Variants in ITGBL1 observed in about 807,000 individuals in gnomAD.
The protein encoded by ITGBL1 is integrin subunit beta like 1.
In ITGBL1, 51 loss-of-function variants were observed where a neutral mutation model predicts 68.5. The observed-to-expected ratio is 0.74, with a 90% confidence interval of 0.59 to 0.94. ITGBL1 has a LOEUF of 0.94. Among genes scored for constraint, ITGBL1 ranks in the 40% least tolerant of loss-of-function variants. The pLI is 0.00. For synonymous variants in ITGBL1, 209 were observed against 227.3 expected (o/e 0.92, Z 0.72); for missense variants, 649 against 647.4 (o/e 1.00, Z -0.03).
chr13:101,678,771 A>G (rs537801777), intron 7 of ITGBL1, among the ~76,000 whole-genome samples: 24 of 152,132 alleles, frequency 1.6e-4, no homozygotes, highest in Non-Finnish European at 2.8e-4. Context: ...AAGTGCTGGG[A>G]TTAGAGGCAT....
chr13:101,533,203 A>T (rs1566719122), intron 2 of ITGBL1, among the ~76,000 whole-genome samples: 1 of 152,238 alleles, frequency 6.6e-6, no homozygotes, highest in Non-Finnish European at 1.5e-5. Flanking sequence ...AACCTGCTGC[A>T]CATTTGCCAT....
intron 7 of ITGBL1, among the ~76,000 whole-genome samples, chr13:101,622,965 A>C (rs999774472): frequency 6.7e-4 from 101 of 150,218 alleles, no homozygotes; most frequent in African/African-American, 2.3e-3. Flanking sequence ...TTGTGACTTA[A>C]TATCAAAGAC....
chr13:101,668,845 C>G lies in ITGBL1; in HGVS notation c.1016-23740C>G, dbSNP rs974660624. On this transcript the variant is annotated intron_variant, in intron 7 of 10. Coordinates refer to ENST00000376180, the MANE Select transcript of ITGBL1 (RefSeq NM_004791.3). ...GAGGTTCATGTTTATTTAATTTTGG[C>G]TTCTTAAATTTTACAGGAAAACACA... 1.3e-4 allele frequency among the ~76,000 whole-genome samples: 20 copies of G among 151,940 alleles called. No individual in the cohort carries two copies. The South Asian group carries it at 2.7e-3, about 21-fold the overall frequency.
chr13:101,499,479 A>C (rs2048907320), intron 2 of ITGBL1, among the ~76,000 whole-genome samples: 1 of 152,194 alleles, frequency 6.6e-6, no homozygotes, highest in Non-Finnish European at 1.5e-5. Flanking sequence ...TATATGGAGA[A>C]AGAAAATTGT....
intron 7 of ITGBL1, among the ~76,000 whole-genome samples, chr13:101,603,228 C>T (rs1411880169): frequency 6.6e-6 from 1 of 151,760 alleles, no homozygotes; most frequent in Non-Finnish European, 1.5e-5. Flanking sequence ...CACATCCTTG[C>T]CATTTCTTGG....
intron 2 of ITGBL1, among the ~76,000 whole-genome samples, chr13:101,492,123 T>G (rs1211015282): frequency 6.6e-6 from 1 of 152,218 alleles, no homozygotes; most frequent in Non-Finnish European, 1.5e-5. Context: ...AGTAGAATGA[T>G]TTATAATCCT....
At chr13:101,506,405 C>G (rs1455923215) in intron 2 of ITGBL1, among the ~76,000 whole-genome samples, 2 of 152,078 alleles carry the variant, frequency 1.3e-5, no homozygotes, top group African/African-American at 4.8e-5. Flanking sequence ...TAATGTGTAT[C>G]AGATTAGTAA....
rs536175008 is a variant in ITGBL1, at chr13:101,670,966, C to T, written c.1016-21619C>T. ...GGTTGTTATCTTAAAATGTTACATG[C>T]GATAGAAATAACCGAATTTCTTCAT... On this transcript the variant is annotated intron_variant, in intron 7 of 10. Coordinates refer to ENST00000376180, the MANE Select transcript of ITGBL1 (RefSeq NM_004791.3). Among the ~76,000 whole-genome samples the T allele has an allele frequency of 7.9e-5, 12 of 152,150 alleles. No homozygotes were observed. In the South Asian group the frequency reaches 1.0e-3, roughly 13 times the overall value.
chr13:101,693,737 A>G (rs1191896697), intron 8 of ITGBL1, among the ~76,000 whole-genome samples: 1 of 152,120 alleles, frequency 6.6e-6, no homozygotes. Context: ...CTAACCAACG[A>G]TAAGACATTT....
intron 7 of ITGBL1, among the ~76,000 whole-genome samples, chr13:101,652,014 T>C (rs192474369): frequency 1.3e-5 from 2 of 152,338 alleles, no homozygotes; most frequent in Admixed American, 1.3e-4. Flanking sequence ...TTCTCTATTC[T>C]GTTGCATTGG....
intron 2 of ITGBL1, among the ~76,000 whole-genome samples, chr13:101,472,574 A>T (rs1373483549): frequency 6.6e-6 from 1 of 152,190 alleles, no homozygotes; most frequent in Non-Finnish European, 1.5e-5. Flanking sequence ...TAAACCATAT[A>T]ACTCAACTTA....
chr13:101,597,591 G>A (rs1040661791), intron 6 of ITGBL1, among the ~76,000 whole-genome samples: 3 of 150,810 alleles, frequency 2.0e-5, no homozygotes, highest in Non-Finnish European at 4.4e-5. Context: ...TCCCTCTGTC[G>A]CTCAGGCTGG....
intron 2 of ITGBL1, among the ~76,000 whole-genome samples, chr13:101,558,909 G>GTA: frequency 1.6e-5 from 1 of 61,926 alleles, no homozygotes; most frequent in South Asian, 6.2e-4. Flanking sequence ...ATTTGTGTGT[G>GTA]TATGTGTGTG....
chr13:101,605,189 G>T (rs1301077231), intron 7 of ITGBL1, among the ~76,000 whole-genome samples: 1 of 62,904 alleles, frequency 1.6e-5, no homozygotes, highest in East Asian at 3.5e-4. Context: ...TATAGACATA[G>T]GCATGTGTGT....
chr13:101,556,031 A>G (rs1413354784), intron 2 of ITGBL1, among the ~76,000 whole-genome samples: 1 of 152,234 alleles, frequency 6.6e-6, no homozygotes, highest in Non-Finnish European at 1.5e-5. Context: ...CAGTGTGGAT[A>G]GTAATAGCTA....
intron 7 of ITGBL1, among the ~76,000 whole-genome samples, chr13:101,628,388 A>T (rs1238668896): frequency 6.7e-6 from 1 of 148,432 alleles, no homozygotes; most frequent in African/African-American, 2.5e-5. Context: ...CTTGTCTATG[A>T]CTTATCTTTT....
At chr13:101,655,834 G>T (rs1008205265) in intron 7 of ITGBL1, among the ~76,000 whole-genome samples, 2 of 152,134 alleles carry the variant, frequency 1.3e-5, no homozygotes, top group African/African-American at 4.8e-5. Flanking sequence ...CCTTAATATT[G>T]TTGACGAAAA....
intron 2 of ITGBL1, among the ~76,000 whole-genome samples, chr13:101,555,892 G>A (rs1389514591): frequency 6.6e-6 from 1 of 152,164 alleles, no homozygotes; most frequent in Admixed American, 6.5e-5. Flanking sequence ...CTATATGAGA[G>A]AAGGACTCAG....
chr13:101,652,242 A>G (rs936768206), intron 7 of ITGBL1, among the ~76,000 whole-genome samples: 3 of 152,156 alleles, frequency 2.0e-5, no homozygotes, highest in Non-Finnish European at 4.4e-5. Context: ...CATGGACTCA[A>G]GAGATCCTCC....
Sources: gnomAD v4.1 joint callset for allele counts (sites outside exome capture counted in the v4.1 genomes callset) on GRCh38, gnomAD v4.1.1 for gene constraint, MANE v1.5 for transcripts, NCBI Gene and HGNC (gene_info 2026-07-23, HGNC 2026-07-21) for gene names.